CCDC3: variants seen among roughly 807,000 people sequenced by gnomAD.
CCDC3 encodes the protein coiled-coil domain-containing protein 3.
Under a neutral mutation model 21.4 loss-of-function variants are expected in CCDC3, and 24 were observed. The observed-to-expected ratio is 1.12, with a 90% CI of 0.81 to 1.58. The LOEUF is 1.58. Ranked by LOEUF, CCDC3 falls within the 40% of genes most tolerant of loss-of-function variation. The pLI is 0.00. For missense variants in CCDC3, 425 were observed against 360.9 expected, an observed-to-expected ratio of 1.18 and a Z score of -1.44; for synonymous variants, 186 against 166.0, an observed-to-expected ratio of 1.12 and a Z score of -0.93.
chr10:13,041,506 T>TATTA (rs1836454768), intron 5 of CCDC3, among the ~76,000 whole-genome samples: 10 of 6,536 alleles, frequency 1.5e-3, no homozygotes, highest in Non-Finnish European at 5.1e-3. Flanking sequence ...GGCAGATAAT[T>TATTA]TTTTTTTTTT....
intron 2 of CCDC3, among the ~76,000 whole-genome samples, chr10:12,973,975 G>C (rs986599790): frequency 6.6e-6 from 1 of 152,090 alleles, no homozygotes. Context: ...CAATCAAATG[G>C]GGAAAATGGC....
At chr10:12,980,952 C>T (rs1835487882) in intron 2 of CCDC3, among the ~76,000 whole-genome samples, 1 of 152,220 alleles carries the variant, frequency 6.6e-6, no homozygotes, top group South Asian at 2.1e-4. Flanking sequence ...AATCATGACC[C>T]TAGCATTGGT....
At chr10:13,093,671 TTCTC>T (rs1374613213) in intron 3 of CCDC3, among the ~76,000 whole-genome samples, 3 of 152,008 alleles carry the variant, frequency 2.0e-5, no homozygotes, top group Admixed American at 1.3e-4. Flanking sequence ...TAGGGGTGAG[TTCTC>T]AGGTAGGGCC....
chr10:12,966,320 A>G (rs7902963), intron 2 of CCDC3, among the ~76,000 whole-genome samples: 132,976 of 134,122 alleles, frequency 0.99, 65,940 homozygotes, highest in Middle Eastern at 1. Flanking sequence ...TGTGGGCTTT[A>G]AATTCAGCAC....
chr10:13,016,067 T>C (rs921136884), intron 5 of CCDC3, among the ~76,000 whole-genome samples: 7 of 152,010 alleles, frequency 4.6e-5, no homozygotes, highest in African/African-American at 1.7e-4. Context: ...TCCATAAATA[T>C]ATACACCTAC....
intron 4 of CCDC3, among the ~76,000 whole-genome samples, chr10:13,068,126 G>A (rs908965399): frequency 7.9e-5 from 12 of 152,094 alleles, no homozygotes; most frequent in Non-Finnish European, 1.5e-4. Context: ...TTTTTCTCAT[G>A]GAACCCCGGG....
chr10:12,979,366 C>T (rs1217289298), intron 2 of CCDC3, among the ~76,000 whole-genome samples: 1 of 151,732 alleles, frequency 6.6e-6, no homozygotes, highest in Non-Finnish European at 1.5e-5. Flanking sequence ...CTTTCCCTTT[C>T]AAATACAGAA....
At chr10:12,947,249 G>A (rs1489239849) in intron 2 of CCDC3, among the ~76,000 whole-genome samples, 1 of 152,004 alleles carries the variant, frequency 6.6e-6, no homozygotes, top group South Asian at 2.1e-4. Context: ...CCAGGTTCAA[G>A]TGATTCTCCT....
chr10:12,932,525 A>C (rs922283849), intron 2 of CCDC3, among the ~76,000 whole-genome samples: 1 of 152,200 alleles, frequency 6.6e-6, no homozygotes, highest in African/African-American at 2.4e-5. Context: ...CTGTGTATGC[A>C]TGTAATCTTG....
intron 2 of CCDC3, among the ~76,000 whole-genome samples, chr10:12,937,851 G>T (rs74118925): frequency 9.1e-4 from 138 of 152,260 alleles, no homozygotes; most frequent in African/African-American, 3.1e-3. Flanking sequence ...CCATCATTAA[G>T]CCATTATTTG....
At chr10:13,019,221 G>A (rs1306247145) in intron 5 of CCDC3, among the ~76,000 whole-genome samples, 5 of 152,090 alleles carry the variant, frequency 3.3e-5, no homozygotes, top group African/African-American at 1.2e-4. Flanking sequence ...GTGAGAGAGT[G>A]AGACTCTGTC....
intron 2 of CCDC3, among the ~76,000 whole-genome samples, chr10:12,949,858 G>A (rs11594982): frequency 0.081 from 12,361 of 152,164 alleles, 684 homozygotes; most frequent in African/African-American, 0.16. Context: ...AAGAAATTAG[G>A]TGGTGAAATC....
At chr10:13,099,839 G>A (rs1318099655), upstream of CCDC3, 1 of 152,168 alleles carries the variant, frequency 6.6e-6, no homozygotes, top group Non-Finnish European at 1.5e-5. Context: ...ACACGGGGAA[G>A]ACGAACTCCG....
chr10:12,918,813 G>A (rs758128254), intron 2 of CCDC3, among the ~76,000 whole-genome samples: 1 of 152,124 alleles, frequency 6.6e-6, no homozygotes, highest in Non-Finnish European at 1.5e-5. Flanking sequence ...CAGAACTTTG[G>A]GAGGCCGAGG....
At chr10:13,090,091 CT>C (rs1231936142) in intron 3 of CCDC3, among the ~76,000 whole-genome samples, 8,306 of 106,246 alleles carry the variant, frequency 0.078, 572 homozygotes, top group African/African-American at 0.2. Context: ...CCGTTTCTTT[CT>C]TTTTTTTTTT....
intron 2 of CCDC3, among the ~76,000 whole-genome samples, chr10:12,993,445 G>T (rs1251706244): frequency 1.3e-5 from 2 of 151,874 alleles, no homozygotes; most frequent in African/African-American, 4.8e-5. Context: ...GAAGAAAGAA[G>T]AAAATGATAG....
chr10:13,028,153 G>A (rs1836248775), intron 5 of CCDC3, among the ~76,000 whole-genome samples: 1 of 152,174 alleles, frequency 6.6e-6, no homozygotes, highest in Non-Finnish European at 1.5e-5. Context: ...GTCATGAGAG[G>A]GACCCAGTGG....
intron 3 of CCDC3, among the ~76,000 whole-genome samples, chr10:13,086,124 T>C (rs567045110): frequency 6.6e-6 from 1 of 152,308 alleles, no homozygotes; most frequent in Admixed American, 6.5e-5. Context: ...TGGTATAAAC[T>C]TCCATATGTT....
At chr10:13,016,326 G>C (rs1836058395) in intron 5 of CCDC3, among the ~76,000 whole-genome samples, 1 of 137,652 alleles carries the variant, frequency 7.3e-6, no homozygotes, top group East Asian at 2.1e-4. Flanking sequence ...TGACTTTTTT[G>C]GTAAAGCGAA....
Sources: gnomAD v4.1 joint callset for allele counts (sites outside exome capture counted in the v4.1 genomes callset) on GRCh38, gnomAD v4.1.1 for gene constraint, MANE v1.5 for transcripts, NCBI Gene and HGNC (gene_info 2026-07-23, HGNC 2026-07-21) for gene names.